The following VSTM1 variants were observed in gnomAD, a reference collection of about 807,000 sequenced individuals.
VSTM1 encodes the protein V-set and transmembrane domain-containing protein 1.
Under a neutral mutation model 33.1 loss-of-function variants are expected in VSTM1, and 27 were observed. That is an observed-to-expected ratio of 0.82 (90% CI 0.60 to 1.12). The LOEUF (loss-of-function observed/expected upper bound fraction) is 1.12. Among genes scored for constraint, VSTM1 ranks in the 50% most tolerant of loss-of-function variants. The probability of loss-of-function intolerance (pLI) is 0.00; values close to 1 mark genes in which losing one functional copy is unlikely to be tolerated. For missense variants in VSTM1, 304 were observed against 288.9 expected (o/e 1.05, Z -0.38); for synonymous variants, 115 against 110.3 (o/e 1.04, Z -0.27).
chr19:54,044,628 C>T (rs902975977), intron 4 of VSTM1, among the ~76,000 whole-genome samples: 7 of 152,114 alleles, frequency 4.6e-5, no homozygotes, highest in Non-Finnish European at 7.3e-5. Context: ...ACAAAAAAAA[C>T]TAGTTCTTGA....
chr19:54,063,870 G>A lies in VSTM1; in HGVS notation c.-93C>T, dbSNP rs1402966703. On this transcript the variant is annotated 5_prime_UTR_variant, in exon 1 of 9. Coordinates refer to ENST00000338372, the MANE Select transcript of VSTM1 (RefSeq NM_198481.4). ...GCCGGCCGCAGCTCTCCGGCTGCCC[G>A]GTTCGTCCCCAGGATGTGCAGATAG... 7 of 1,426,100 alleles carry A rather than the reference G, an allele frequency of 4.9e-6. No homozygotes were observed. Among genetic ancestry groups the A allele is most frequent in the Non-Finnish European group, 5.8e-6 (6 of 1,041,216 alleles). The allele number at this position is 1,426,100 out of a possible 1,614,324, so 88.3% of individuals were successfully genotyped here. A position where few individuals can be genotyped will look rare whatever the true frequency, so the allele number is the denominator to read the frequency against.
chr19:54,042,839 C>T (rs191225618), intron 4 of VSTM1, among the ~76,000 whole-genome samples: 10,625 of 67,098 alleles, frequency 0.16, 660 homozygotes, highest in Non-Finnish European at 0.2. Context: ...TATATATATA[C>T]ATATATATAT....
At chr19:54,047,968 A>AG (rs1184938164) in intron 4 of VSTM1, among the ~76,000 whole-genome samples, 24 of 152,340 alleles carry the variant, frequency 1.6e-4, no homozygotes, top group African/African-American at 5.5e-4. Context: ...ATGGAGGCAC[A>AG]GGCACCAGAA....
chr19:54,055,205 C>A (rs2071034210), intron 3 of VSTM1, among the ~76,000 whole-genome samples: 1 of 140,048 alleles, frequency 7.1e-6, no homozygotes, highest in South Asian at 2.4e-4. Context: ...GCCCCACAAT[C>A]CATTATTTGC....
intron 3 of VSTM1, among the ~76,000 whole-genome samples, chr19:54,056,214 C>CT (rs869203085): frequency 0.095 from 3,737 of 39,134 alleles, 644 homozygotes; most frequent in African/African-American, 0.24. Flanking sequence ...CTTTTCTTTT[C>CT]TTTTTTTTTT....
At chr19:54,059,870 T>C (rs138824046) in intron 1 of VSTM1, among the ~76,000 whole-genome samples, 8,515 of 142,692 alleles carry the variant, frequency 0.06, 288 homozygotes, top group Admixed American at 0.11. Context: ...TTTTTCGAGA[T>C]GGAGTCTCGC....
At chr19:54,046,057 TTATC>T (rs1190901491) in intron 4 of VSTM1, among the ~76,000 whole-genome samples, 15 of 152,182 alleles carry the variant, frequency 9.9e-5, no homozygotes, top group African/African-American at 3.4e-4. Flanking sequence ...TTGTATCTAG[TTATC>T]TATCTACCTA....
At chr19:54,058,213 C>A (rs1044204137) in intron 3 of VSTM1, 93 bp downstream of exon 3, 42 of 1,381,378 alleles carry the variant, frequency 3.0e-5, no homozygotes, top group Non-Finnish European at 4.0e-5. Context: ...GCACTCCAGC[C>A]TGGGAGACAC....
At chr19:54,062,884 A>G (rs545679353) in intron 1 of VSTM1, among the ~76,000 whole-genome samples, 1 of 152,248 alleles carries the variant, frequency 6.6e-6, no homozygotes, top group South Asian at 2.1e-4. Context: ...CTGGGGCCTT[A>G]GGGAGGTGGA....
chr19:54,048,952 C>G (rs990202310), intron 4 of VSTM1, among the ~76,000 whole-genome samples: 1 of 152,008 alleles, frequency 6.6e-6, no homozygotes, highest in Non-Finnish European at 1.5e-5. Context: ...GGCATGGTGA[C>G]GGGCGCCTGT....
At chr19:54,051,847 G>A (rs911198688) in intron 3 of VSTM1, among the ~76,000 whole-genome samples, 10 of 151,840 alleles carry the variant, frequency 6.6e-5, no homozygotes, top group Admixed American at 2.0e-4. Flanking sequence ...TGCAACCTCC[G>A]CCTCCCGGGT....
chr19:54,044,483 C>A (rs1240991861), intron 4 of VSTM1, among the ~76,000 whole-genome samples: 1 of 152,144 alleles, frequency 6.6e-6, no homozygotes, highest in Non-Finnish European at 1.5e-5. Context: ...TTGCTTGAAC[C>A]TGGGAGGCGG....
chr19:54,063,744 C>G lies in VSTM1; in HGVS notation c.34G>C (p.Gly12Arg). ...TAEFLSLLCL[G>R]LCLGYEDEKK... The stretch of plus-strand genomic sequence containing the variant: ...ATTCGTCCCAGTCCTGGAGACTCAC[C>G]GAGGCAAAGCAGGGAGAGGAATTCT... The change falls in exon 1 of 9, where the codon GGG becomes CGG. Residue 12 changes from glycine to arginine, a missense_variant and splice_region_variant. Transcript: ENST00000338372. 1.2e-6 allele frequency: 2 copies of G among 1,613,808 alleles called. No homozygotes were observed. Among genetic ancestry groups the G allele is most frequent in the South Asian group, 2.2e-5 (2 of 90,998 alleles).
At chr19:54,060,171 T>C (rs1402907010) in intron 1 of VSTM1, among the ~76,000 whole-genome samples, 2 of 152,004 alleles carry the variant, frequency 1.3e-5, no homozygotes, top group Non-Finnish European at 2.9e-5. Context: ...GTTTTCTTGC[T>C]CAATTCCAAT....
At chr19:54,058,765 T>G (rs1191876305) in intron 1 of VSTM1, 33 bp from the exon 2 acceptor site, 1 of 1,611,638 alleles carries the variant, frequency 6.2e-7, no homozygotes. Context: ...AGAAAAATTA[T>G]GTGCTTGTCC....
At chr19:54,046,713 A>T (rs923877099) in intron 4 of VSTM1, among the ~76,000 whole-genome samples, 2 of 151,824 alleles carry the variant, frequency 1.3e-5, no homozygotes, top group African/African-American at 4.8e-5. Context: ...AATGCCTTGG[A>T]ATTTACATGC....
chr19:54,058,646 GT>G (rs1484219525), intron 2 of VSTM1, 50 bp downstream of exon 2: 1 of 1,613,588 alleles, frequency 6.2e-7, no homozygotes, highest in Non-Finnish European at 8.5e-7. Flanking sequence ...AAAGGAAAAG[GT>G]CATGAAGCGT....
At chr19:54,046,214 T>C (rs889731924) in intron 4 of VSTM1, among the ~76,000 whole-genome samples, 11 of 152,188 alleles carry the variant, frequency 7.2e-5, no homozygotes, top group Admixed American at 2.6e-4. Context: ...CATCTAATTA[T>C]CTATCTATCC....
intron 4 of VSTM1, among the ~76,000 whole-genome samples, chr19:54,043,603 G>A (rs1328322875): frequency 6.6e-6 from 1 of 151,966 alleles, no homozygotes; most frequent in African/African-American, 2.4e-5. Context: ...GTAGAGACGG[G>A]GTTTCGCCAT....
Sources: allele counts gnomAD v4.1 joint callset (sites outside exome capture counted in the v4.1 genomes callset), GRCh38; gene constraint gnomAD v4.1.1; transcripts MANE v1.5; gene names NCBI Gene and HGNC (gene_info 2026-07-23, HGNC 2026-07-21).